NHSL1: variants seen among roughly 807,000 people sequenced by gnomAD.
NHSL1 encodes the protein NHS like 1.
In NHSL1, 48 loss-of-function variants were observed where a neutral mutation model predicts 95.0. That is an observed-to-expected ratio of 0.51 (90% confidence interval 0.40 to 0.64). NHSL1 has a LOEUF of 0.64. Ranked by LOEUF, NHSL1 falls within the 30% of genes least tolerant of loss-of-function variation. NHSL1 has a pLI of 0.00. For missense variants in NHSL1, 1,971 were observed against 2,077.7 expected (o/e 0.95, Z 1.00); for synonymous variants, 783 against 833.9 (o/e 0.94, Z 1.05).
intron 1 of NHSL1, among the ~76,000 whole-genome samples, chr6:138,663,758 C>T (rs9373218): frequency 0.25 from 37,311 of 151,718 alleles, 5,047 homozygotes; most frequent in East Asian, 0.44. Context: ...GTAGTCCCAG[C>T]TACTTGGGAG....
At chr6:138,544,893 C>T (rs1230255010) in intron 1 of NHSL1, among the ~76,000 whole-genome samples, 5 of 151,408 alleles carry the variant, frequency 3.3e-5, no homozygotes, top group South Asian at 2.1e-4. Flanking sequence ...CAGGGAATGA[C>T]GACATATACT....
At chr6:138,466,163 C>G (rs1378274796) in intron 3 of NHSL1, among the ~76,000 whole-genome samples, 1 of 151,922 alleles carries the variant, frequency 6.6e-6, no homozygotes, top group East Asian at 1.9e-4. Context: ...CCTCAGTCTC[C>G]CGAATAGCTG....
At chr6:138,616,014 G>C (rs562143816) in intron 1 of NHSL1, among the ~76,000 whole-genome samples, 1 of 152,088 alleles carries the variant, frequency 6.6e-6, no homozygotes, top group Non-Finnish European at 1.5e-5. Flanking sequence ...ACATAGCAAG[G>C]CCCCATCTTT....
intron 1 of NHSL1, among the ~76,000 whole-genome samples, chr6:138,617,168 T>C (rs1321928969): frequency 6.6e-6 from 1 of 152,112 alleles, no homozygotes; most frequent in African/African-American, 2.4e-5. Context: ...GAGGAAAAGG[T>C]GACCACATGG....
chr6:138,649,808 A>G lies in NHSL1; in HGVS notation c.96+42668T>C, dbSNP rs77332707. Among the ~76,000 whole-genome samples the G allele has an allele frequency of 9.3e-3, 1,412 of 152,292 alleles. 12 individuals carry two copies. Among genetic ancestry groups the G allele is most frequent in the South Asian group, 0.026 (126 of 4,822 alleles). On this transcript the variant is annotated intron_variant, in intron 1 of 3. Transcript: ENST00000491526. Reference sequence around the variant, plus strand: ...CACGCCCTATTTACGAAGAAGGAGAATGATGCTCCCAGCTGACCTACAGGA... The same window carrying G: ...CACGCCCTATTTACGAAGAAGGAGAGTGATGCTCCCAGCTGACCTACAGGA...
chr6:138,574,439 C>A (rs1783931301), upstream of NHSL1, among the ~76,000 whole-genome samples: 1 of 152,152 alleles, frequency 6.6e-6, no homozygotes, highest in Non-Finnish European at 1.5e-5. Flanking sequence ...ACCCCCGCCA[C>A]ACATCTGTGC....
At chr6:138,562,801 C>T (rs1783463254) in intron 1 of NHSL1, among the ~76,000 whole-genome samples, 4 of 152,126 alleles carry the variant, frequency 2.6e-5, no homozygotes, top group African/African-American at 7.2e-5. Context: ...GTTCTAACCC[C>T]TAATGCTCCA....
At chr6:138,639,797 CAA>C (rs56909767) in intron 1 of NHSL1, among the ~76,000 whole-genome samples, 76 of 22,562 alleles carry the variant, frequency 3.4e-3, no homozygotes, top group African/African-American at 7.8e-3. Context: ...GACTCAGTCT[CAA>C]AAAAAAAAAA....
chr6:138,512,629 T>A (rs1226452608), intron 1 of NHSL1: 2 of 188,716 alleles, frequency 1.1e-5, no homozygotes, highest in African/African-American at 4.8e-5. Context: ...CGACTTAGAA[T>A]GCACCCCAAA....
At position 138,430,351 on chromosome 6, in the gene NHSL1, G is replaced by C. The variant is rs1028819242; in HGVS notation, c.3952+42C>G. 1 of 1,439,134 alleles carries C rather than the reference G, an allele frequency of 6.9e-7. No homozygotes were observed. The highest frequency in any genetic ancestry group is 9.2e-7 in the Non-Finnish European group (1 of 1,092,500). The allele number at this position is 1,439,134 out of a possible 1,614,324, so 89.1% of individuals were successfully genotyped here. ...ACCCTATCTGGTTCAGCTGCATATG[G>C]GCAGAGGGCACAGGAGAGAGAAGCC... is the stretch of plus-strand genomic sequence containing the variant. On this transcript the variant is annotated intron_variant, in intron 6 of 7. Coordinates refer to ENST00000343505, the MANE Select transcript of NHSL1 (RefSeq NM_001144060.2). The surrounding 1 kb of genome is among the most constrained non-coding windows in gnomAD (Gnocchi z 4.7).
rs1399119918 is a variant in NHSL1 at position 138,626,873 on chromosome 6, G to A, written c.96+65603C>T. ...CCCGCCACTGCACTCCAGCCTGGGC[G>A]ACAGAGCGAGACTCCGTCTCAAAAA... On this transcript the variant is annotated intron_variant, in intron 1 of 3. Transcript: ENST00000491526. Among the ~76,000 whole-genome samples the A allele has an allele frequency of 1.0e-4, 5 of 49,700 alleles. 1 individual carries two copies. The highest frequency in any genetic ancestry group is 1.6e-4 in the Non-Finnish European group (5 of 32,044). 32.6% of individuals were successfully genotyped at this position (49,700 alleles called of 152,430 possible). A position where few individuals can be genotyped will look rare whatever the true frequency, so the allele number is the denominator to read the frequency against.
At chr6:138,549,209 C>T (rs1413131676), upstream of NHSL1, among the ~76,000 whole-genome samples, 1 of 152,132 alleles carries the variant, frequency 6.6e-6, no homozygotes, top group African/African-American at 2.4e-5. Flanking sequence ...CATGGAGAAA[C>T]CCTGTCTCTA....
In NHSL1 at chr6:138,431,740, A is replaced by G; in HGVS notation, c.2605T>C (p.Leu869=). The change falls in exon 6 of 8, where the codon TTA becomes CTA. Residue 869 remains leucine, a synonymous_variant. Coordinates refer to ENST00000343505, the MANE Select transcript of NHSL1 (RefSeq NM_001144060.2). This position sits in a 1 kb window ranked among gnomAD's most constrained non-coding sequence, Gnocchi z 4.0. ...CCGTTTGCTGGTGACACTGATTTTA[A>G]AAACACAGGCACAGGGGTGAGTGCT... ...PTALTPVPVF[L]KSVSPANGKG... 1 of 1,551,754 alleles carries G rather than the reference A, an allele frequency of 6.4e-7. No individual in the cohort carries two copies. Among genetic ancestry groups the G allele is most frequent in the Admixed American group, 2.0e-5 (1 of 51,004 alleles).
At chr6:138,472,792 T>C (rs1778834847) in intron 3 of NHSL1, among the ~76,000 whole-genome samples, 2 of 152,224 alleles carry the variant, frequency 1.3e-5, no homozygotes, top group Admixed American at 6.5e-5. Flanking sequence ...ACTAAATGAA[T>C]TGGCTAGTGC....
chr6:138,473,635 AATTAAT>A (rs1354900649), intron 2 of NHSL1, among the ~76,000 whole-genome samples: 1 of 152,184 alleles, frequency 6.6e-6, no homozygotes, highest in East Asian at 1.9e-4. Flanking sequence ...ATTAAATATT[AATTAAT>A]ATTAATACTT....
chr6:138,654,026 G>A (rs550092809), intron 1 of NHSL1, among the ~76,000 whole-genome samples: 1 of 152,296 alleles, frequency 6.6e-6, no homozygotes, highest in East Asian at 1.9e-4. Context: ...CTGCCAATGA[G>A]GATCAGTGTG....
At chr6:138,673,328 AAAAG>A (rs1212896418) in intron 1 of NHSL1, among the ~76,000 whole-genome samples, 1 of 152,086 alleles carries the variant, frequency 6.6e-6, no homozygotes, top group African/African-American at 2.4e-5. Context: ...AAAAAAAAAA[AAAAG>A]ACTCTTCTTA....
At chr6:138,538,279 C>T (rs1782440640) in intron 1 of NHSL1, among the ~76,000 whole-genome samples, 1 of 152,090 alleles carries the variant, frequency 6.6e-6, no homozygotes. Flanking sequence ...GATAGAGTAC[C>T]ACCACTGGGG....
At chr6:138,670,598 G>A (rs1233448365) in intron 1 of NHSL1, among the ~76,000 whole-genome samples, 17 of 145,622 alleles carry the variant, frequency 1.2e-4, no homozygotes, top group Non-Finnish European at 2.0e-4. Flanking sequence ...CCCGGGAGGC[G>A]GAGCTTGCAG....
Sources: allele counts gnomAD v4.1 joint callset (sites outside exome capture counted in the v4.1 genomes callset), GRCh38; gene constraint gnomAD v4.1.1; non-coding constraint Gnocchi (gnomAD v3.1); transcripts MANE v1.5; gene names NCBI Gene and HGNC (gene_info 2026-07-23, HGNC 2026-07-21).